WIPF1: variants seen among roughly 807,000 people sequenced by gnomAD.
WIPF1 encodes the protein WAS/WASL-interacting protein family member 1.
A neutral mutation model predicts 35.4 loss-of-function variants in WIPF1; 13 were observed. The ratio of observed to expected loss-of-function variants is 0.37; its 90% confidence interval spans 0.24 to 0.58. The LOEUF (loss-of-function observed/expected upper bound fraction) is 0.58, where lower values mean the gene tolerates loss of function less well. Among genes scored for constraint, WIPF1 ranks in the 20% least tolerant of loss-of-function variants. The pLI is 0.74. For missense variants in WIPF1, 591 were observed against 667.0 expected (o/e 0.89, Z 1.25); for synonymous variants, 267 against 266.3 (o/e 1.00, Z -0.02).
rs1684852145 is a variant in WIPF1 at position 174,571,771 on chromosome 2, G to A, written c.1034C>T (p.Thr345Met). 2.5e-6 allele frequency: 4 copies of A among 1,614,212 alleles called. No homozygotes were observed. Among genetic ancestry groups the A allele is most frequent in the Non-Finnish European group, 3.4e-6 (4 of 1,180,034 alleles). ...PQRNLSLSSS[T>M]PPLPSPGRSG... The stretch of plus-strand genomic sequence containing the variant: ...ACGTCCTGGCGAAGGTAACGGGGGC[G>A]TGGACGAACTGAGGGACAGATTCCG... Residue 345 changes from threonine (T) to methionine (M), a missense_variant, in exon 5 of 8, where the codon ACG (threonine) becomes ATG (methionine). Thr to Met is a moderately conservative substitution (Grantham distance 81, BLOSUM62 -1). Around this residue, in one of 3 missense-constraint regions of WIPF1, gnomAD observed 471 missense variants for 501.1 expected, o/e 0.94. Coordinates refer to ENST00000679041, the MANE Select transcript of WIPF1 (RefSeq NM_001375834.1). The surrounding 1 kb of genome is among the most constrained non-coding windows in gnomAD (Gnocchi z 4.6).
chr2:174,678,732 T>C (rs1043499608), intron 1 of WIPF1, among the ~76,000 whole-genome samples: 1 of 152,284 alleles, frequency 6.6e-6, no homozygotes, highest in African/African-American at 2.4e-5. Context: ...GTCTGGTTTT[T>C]GCTTCCTCAT....
chr2:174,565,211 A>T (rs1339703237), intron 7 of WIPF1, among the ~76,000 whole-genome samples: 1 of 152,138 alleles, frequency 6.6e-6, no homozygotes, highest in Admixed American at 6.5e-5. Flanking sequence ...AAAAATTTCA[A>T]TCATCAACTC....
intron 1 of WIPF1, among the ~76,000 whole-genome samples, chr2:174,636,155 T>G (rs979939993): frequency 6.6e-6 from 1 of 152,158 alleles, no homozygotes; most frequent in Non-Finnish European, 1.5e-5. Context: ...AGATGAAAAA[T>G]GATGATGACT....
chr2:174,653,206 C>A (rs781486355), intron 1 of WIPF1, among the ~76,000 whole-genome samples: 4 of 152,122 alleles, frequency 2.6e-5, no homozygotes, highest in Non-Finnish European at 5.9e-5. Context: ...ATGTCTGCCC[C>A]CAACACCTAT....
At chr2:174,646,639 T>G (rs1233884233) in intron 1 of WIPF1, among the ~76,000 whole-genome samples, 2 of 152,200 alleles carry the variant, frequency 1.3e-5, no homozygotes, top group African/African-American at 4.8e-5. Flanking sequence ...TTCTTTCTTT[T>G]TCTGAGATGG....
At chr2:174,642,017 TAG>T (rs888473080) in intron 1 of WIPF1, among the ~76,000 whole-genome samples, 22 of 152,146 alleles carry the variant, frequency 1.4e-4, no homozygotes, top group African/African-American at 5.3e-4. Flanking sequence ...CTCTTTGCTA[TAG>T]AGAGATTTAC....
chr2:174,601,849 G>T (rs1167314160), upstream of WIPF1, among the ~76,000 whole-genome samples: 5 of 152,242 alleles, frequency 3.3e-5, no homozygotes, highest in Non-Finnish European at 7.3e-5. Flanking sequence ...GGCAGCAGCA[G>T]AGCAGTGGCC....
intron 6 of WIPF1, among the ~76,000 whole-genome samples, 177 bp from the exon 7 acceptor site, chr2:174,567,360 A>G (rs1187197684): frequency 3.3e-5 from 5 of 152,244 alleles, no homozygotes; most frequent in South Asian, 2.1e-4. Flanking sequence ...GTACACTGAC[A>G]TATATACAGG....
chr2:174,641,684 A>G (rs553927418), intron 1 of WIPF1, among the ~76,000 whole-genome samples: 24 of 152,320 alleles, frequency 1.6e-4, no homozygotes, highest in African/African-American at 5.8e-4. Context: ...CCACTCCTGT[A>G]TAAAGTGTAC....
chr2:174,572,242 G>A lies in WIPF1; in HGVS notation c.563C>T (p.Pro188Leu). The change falls in exon 5 of 8, where the codon CCT becomes CTT. Residue 188 changes from proline (P) to leucine (L), a missense_variant. Coordinates refer to ENST00000679041, the MANE Select transcript of WIPF1 (RefSeq NM_001375834.1). ...TGATTGAATGGGTCTTGGAGTACTA[G>A]GTACTGGAGGAGGAATGCTATCAGG... ...SKPDSIPPPVPSTPRPIQSSP... is the reference protein window; with the variant it reads ...SKPDSIPPPVLSTPRPIQSSP... The A allele has an allele frequency of 6.2e-7, 1 of 1,614,192 alleles. No individual in the cohort carries two copies. The highest frequency in any genetic ancestry group is 2.2e-5 in the East Asian group (1 of 44,874).
chr2:174,667,276 G>T (rs1687912660), intron 1 of WIPF1, among the ~76,000 whole-genome samples: 1 of 152,168 alleles, frequency 6.6e-6, no homozygotes, highest in South Asian at 2.1e-4. Flanking sequence ...TGCAGGAATT[G>T]TAAAGAATTC....
intron 1 of WIPF1, among the ~76,000 whole-genome samples, chr2:174,631,651 T>C (rs575416452): frequency 6.6e-6 from 1 of 152,340 alleles, no homozygotes; most frequent in Admixed American, 6.5e-5. Flanking sequence ...TAGTTCTTAG[T>C]ATTTCCCAAT....
intron 1 of WIPF1, among the ~76,000 whole-genome samples, chr2:174,663,772 T>C (rs1320869901): frequency 1.3e-5 from 2 of 152,198 alleles, no homozygotes; most frequent in Non-Finnish European, 2.9e-5. Flanking sequence ...GCAGCACTAG[T>C]GCCTTGGATA....
At position 174,652,808 on chromosome 2, in the gene WIPF1, C is replaced by A. The variant is rs753658545; in HGVS notation, c.-39+29966G>T. 3.5e-3 allele frequency among the ~76,000 whole-genome samples: 503 copies of A among 143,596 alleles called. 1 individual carries two copies. Among genetic ancestry groups the A allele is most frequent in the African/African-American group, 4.3e-3 (167 of 38,568 alleles). The allele number at this position is 143,596 out of a possible 152,430, so 94.2% of individuals were successfully genotyped here. On this transcript the variant is annotated intron_variant, in intron 1 of 8. Coordinates refer to the WIPF1 transcript ENST00000272746. ...ATTCCATTTAAAAAAAAAAAAAAAA[C>A]AAAAAAAAACTTCATTTTCCAAAAC...
chr2:174,609,586 T>C (rs1686281032), intron 1 of WIPF1, among the ~76,000 whole-genome samples: 1 of 152,272 alleles, frequency 6.6e-6, no homozygotes, highest in Non-Finnish European at 1.5e-5. Context: ...GAAGTTATTT[T>C]ATAATAAATT....
chr2:174,635,543 T>TG (rs1687163294), intron 1 of WIPF1, among the ~76,000 whole-genome samples: 1 of 143,900 alleles, frequency 6.9e-6, no homozygotes. Context: ...TTTTTTTTTT[T>TG]TTTTTTTTTT....
intron 1 of WIPF1, among the ~76,000 whole-genome samples, chr2:174,620,740 G>A (rs893918106): frequency 6.6e-6 from 1 of 152,230 alleles, no homozygotes; most frequent in African/African-American, 2.4e-5. Context: ...ATCACAGTGA[G>A]TGTGACTGGG....
chr2:174,620,633 T>C (rs1020080629), intron 1 of WIPF1, among the ~76,000 whole-genome samples: 2 of 152,216 alleles, frequency 1.3e-5, no homozygotes, highest in Non-Finnish European at 2.9e-5. Flanking sequence ...ACTAGGTCTA[T>C]ACTATGGCCA....
chr2:174,648,478 C>G (rs1188083174), intron 1 of WIPF1, among the ~76,000 whole-genome samples: 1 of 151,900 alleles, frequency 6.6e-6, no homozygotes, highest in Admixed American at 6.6e-5. Flanking sequence ...GTGTAAACTG[C>G]CTTTTAACCT....
Sources: allele counts gnomAD v4.1 joint callset (sites outside exome capture counted in the v4.1 genomes callset), GRCh38; gene constraint gnomAD v4.1.1; regional missense constraint gnomAD v4.1.1; non-coding constraint Gnocchi (gnomAD v3.1); transcripts MANE v1.5; gene names NCBI Gene and HGNC (gene_info 2026-07-23, HGNC 2026-07-21).